The following ABCA3 variants were observed in gnomAD, a reference collection of about 807,000 sequenced individuals.
ABCA3 encodes the protein phospholipid-transporting ATPase ABCA3.
A neutral mutation model predicts 172.8 loss-of-function variants in ABCA3; 88 were observed. The ratio of observed to expected loss-of-function variants is 0.51; its 90% confidence interval spans 0.43 to 0.61. The LOEUF is 0.61. Ranked by LOEUF, ABCA3 falls within the 20% of genes least tolerant of loss-of-function variation. ABCA3 has a pLI of 0.00. For missense variants in ABCA3, 2,164 were observed against 2,301.0 expected (o/e 0.94, Z 1.22); for synonymous variants, 1,066 against 983.8 (o/e 1.08, Z -1.56).
In ABCA3 at chr16:2,297,502, G is replaced by A; in HGVS notation, c.2090C>T (p.Ala697Val). 1.2e-6 allele frequency: 2 copies of A among 1,613,330 alleles called. No homozygotes were observed. Among genetic ancestry groups the A allele is most frequent in the Middle Eastern group, 1.7e-4 (1 of 5,836 alleles). ...ILDEPTSGMD[A>V]ISRRAIWDLL... ...ATCCCAGATGGCCCTCCTGGAGATG[G>A]CGTCCATGCCCGAGGTGGGCTCGTC... Residue 697 changes from alanine (A) to valine (V), a missense_variant, in exon 17 of 33, where the codon GCC becomes GTC. This residue lies in a region of ABCA3 where 1,343 missense variants were observed against 1,369.6 expected (regional missense o/e 0.98). Transcript: ENST00000301732. This position sits in a 1 kb window ranked among gnomAD's most constrained non-coding sequence, Gnocchi z 5.6.
intron 12 of ABCA3, among the ~76,000 whole-genome samples, chr16:2,303,681 G>A (rs373934522): frequency 7.2e-5 from 11 of 152,200 alleles, no homozygotes; most frequent in East Asian, 1.9e-4. Flanking sequence ...CAGAGGCTGC[G>A]TGCGTGGGTC....
Position 2,323,896 on chromosome 16 carries a change from G to T in ABCA3, c.448-208C>A, listed in dbSNP as rs141235208. ...GGGAGCCACACAGGGGCCCCTTTTGGGGGGTGGTTCTTGGCCATTCCTAAT... is the reference window on the plus strand; with the variant it reads ...GGGAGCCACACAGGGGCCCCTTTTGTGGGGTGGTTCTTGGCCATTCCTAAT... On this transcript the variant is annotated intron_variant, in intron 6 of 32. Coordinates refer to ENST00000301732, the MANE Select transcript of ABCA3 (RefSeq NM_001089.3). Among the ~76,000 whole-genome samples, 602 of 152,256 alleles carry T rather than the reference G, an allele frequency of 4.0e-3. 8 individuals are homozygous for T. The highest frequency in any genetic ancestry group is 0.014 in the African/African-American group (568 of 41,540).
Position 2,284,599 on chromosome 16 carries a change from G to A in ABCA3, c.3704-162C>T, listed in dbSNP as rs577525334. On this transcript the variant is annotated intron_variant, in intron 24 of 32. Coordinates refer to ENST00000301732, the MANE Select transcript of ABCA3 (RefSeq NM_001089.3). This position sits in a 1 kb window ranked among gnomAD's most constrained non-coding sequence, Gnocchi z 5.9. ...CGGCTCTGCACAGGGCAAGGACGCC[G>A]CAGACGCCTGCCCACCAGTCATGGC... Among the ~76,000 whole-genome samples the A allele has an allele frequency of 1.3e-5, 2 of 152,310 alleles. No homozygotes were observed. Among genetic ancestry groups the A allele is most frequent in the Admixed American group, 6.5e-5 (1 of 15,308 alleles).
Position 2,289,589 on chromosome 16 carries a change from T to C in ABCA3, c.2545A>G (p.Ile849Val). ...AGGGCAGGGAGCTGGATGGCCTGGA[T>C]GTCCATACTGCTGTCCACCAGCTTC... ...VGKLVDSSMD[I>V]QAIQLPALQY... The change falls in exon 20 of 33, where the codon ATC becomes GTC. Residue 849 changes from isoleucine to valine, a missense_variant. Ile to Val is a conservative substitution (Grantham distance 29). Transcript: ENST00000301732. The C allele has an allele frequency of 6.4e-7, 1 of 1,555,078 alleles. No individual in the cohort carries two copies. Among genetic ancestry groups the C allele is most frequent in the Non-Finnish European group, 8.7e-7 (1 of 1,150,108 alleles).
In ABCA3 at chr16:2,296,026, G is replaced by A. The variant is rs375601802; in HGVS notation, c.2264-286C>T. Among the ~76,000 whole-genome samples, 16 of 152,324 alleles carry A rather than the reference G, an allele frequency of 1.1e-4. 1 individual carries two copies. The highest frequency in any genetic ancestry group is 5.9e-4 in the Admixed American group (9 of 15,300). On this transcript the variant is annotated intron_variant, in intron 17 of 32. Coordinates refer to ENST00000301732, the MANE Select transcript of ABCA3 (RefSeq NM_001089.3). ...CTCCCCCCAGCTATACAAGCACCAG[G>A]GAAGGATATCATCAGCAGCGACGGA...
intron 11 of ABCA3, among the ~76,000 whole-genome samples, chr16:2,306,489 C>T (rs1035233887): frequency 6.6e-4 from 100 of 152,330 alleles, no homozygotes; most frequent in Non-Finnish European, 1.3e-3. Context: ...ACACTCCCAC[C>T]TCCTTCCACA....
chr16:2,289,997 A>G (rs1029171646), intron 19 of ABCA3, among the ~76,000 whole-genome samples: 1 of 150,524 alleles, frequency 6.6e-6, no homozygotes, highest in Admixed American at 6.6e-5. Flanking sequence ...ACACACACAC[A>G]CACACCCCTT....
In ABCA3 at chr16:2,284,262, GGGGCT is replaced by G; in HGVS notation, c.3862+12_3862+16del. ...GGACGCAGGGGTGCTGCCCGGGGTCGGGGCTGGGACACTCACTATATTTCTTGCAG... is the reference window on the plus strand; with the variant it reads ...GGACGCAGGGGTGCTGCCCGGGGTCGGGGACACTCACTATATTTCTTGCAG... On this transcript the variant is annotated intron_variant, in intron 25 of 32. Coordinates refer to ENST00000301732, the MANE Select transcript of ABCA3 (RefSeq NM_001089.3). This position sits in a 1 kb window ranked among gnomAD's most constrained non-coding sequence, Gnocchi z 5.9. 1 of 1,609,326 alleles carries G rather than the reference GGGGCT, an allele frequency of 6.2e-7. No homozygotes were observed. Among genetic ancestry groups the G allele is most frequent in the African/African-American group, 1.3e-5 (1 of 74,984 alleles).
At position 2,278,106 on chromosome 16, in the gene ABCA3, T is replaced by C; in HGVS notation, c.4719-37A>G. The C allele has an allele frequency of 6.2e-7, 1 of 1,612,232 alleles. No individual in the cohort carries two copies. Among genetic ancestry groups the C allele is most frequent in the African/African-American group, 1.3e-5 (1 of 74,996 alleles). On this transcript the variant is annotated intron_variant, in intron 30 of 32. Transcript: ENST00000301732. The surrounding 1 kb of genome is among the most constrained non-coding windows in gnomAD (Gnocchi z 4.4). ...GCGGGACCTCAGATAGGGCTTGGGG[T>C]GCCAAAGGCTTGTGCAGACAGGAAG...
chr16:2,279,742 ATTT>A lies in ABCA3; in HGVS notation c.4360-615_4360-613del, dbSNP rs556253061. Among the ~76,000 whole-genome samples, 2 of 140,096 alleles carry A rather than the reference ATTT, an allele frequency of 1.4e-5. No homozygotes were observed. Among genetic ancestry groups the A allele is most frequent in the Non-Finnish European group, 1.6e-5 (1 of 64,046 alleles). The allele number at this position is 140,096 out of a possible 152,430, so 91.9% of individuals were successfully genotyped here. A position where few individuals can be genotyped will look rare whatever the true frequency, so the allele number is the denominator to read the frequency against. On this transcript the variant is annotated intron_variant, in intron 28 of 32. Transcript: ENST00000301732. This position sits in a 1 kb window ranked among gnomAD's most constrained non-coding sequence, Gnocchi z 4.4. ...TCTTTGGGGTTCTCAAGCTTCCAGAATTTTTTTTTTTTTTTTTGAGACAGAGTC... is the reference window on the plus strand; with the variant it reads ...TCTTTGGGGTTCTCAAGCTTCCAGAATTTTTTTTTTTTTTGAGACAGAGTC...
intron 19 of ABCA3, among the ~76,000 whole-genome samples, chr16:2,291,035 A>G (rs957885503): frequency 1.3e-5 from 2 of 151,852 alleles, no homozygotes; most frequent in African/African-American, 4.8e-5. Flanking sequence ...ATGCCCGGCT[A>G]ATTTTTGTAG....
At chr16:2,298,667 C>G in intron 14 of ABCA3, 127 bp from the exon 15 acceptor site, 1 of 1,137,758 alleles carries the variant, frequency 8.8e-7, no homozygotes, top group Non-Finnish European at 1.3e-6. Flanking sequence ...TGAGAGGGCA[C>G]GGAACCCCAC....
rs1300831358 is a variant in ABCA3, at chr16:2,278,494, C to G, written c.4548-36G>C. ...GAGGGTGCCAGGTGGGGGAATAAGG[C>G]TGAGAGTTAGCATTGGCTCCCATGT... On this transcript the variant is annotated intron_variant, in intron 29 of 32. Transcript: ENST00000301732. This position sits in a 1 kb window ranked among gnomAD's most constrained non-coding sequence, Gnocchi z 4.4. 1 of 1,605,504 alleles carries G rather than the reference C, an allele frequency of 6.2e-7. No homozygotes were observed. The highest frequency in any genetic ancestry group is 1.7e-5 in the Admixed American group (1 of 60,010).
At chr16:2,317,593 TGGGGTGC>T (rs1433921828) in intron 9 of ABCA3, 48 bp downstream of exon 9, 1 of 1,600,840 alleles carries the variant, frequency 6.2e-7, no homozygotes, top group African/African-American at 1.3e-5. Context: ...AGGGCCCTCC[TGGGGTGC>T]CCTGGCTCTC....
Position 2,284,741 on chromosome 16 carries a change from A to G in ABCA3, c.3703+38T>C. On this transcript the variant is annotated intron_variant, in intron 24 of 32. Transcript: ENST00000301732. This position sits in a 1 kb window ranked among gnomAD's most constrained non-coding sequence, Gnocchi z 5.9. ...CTGTCTGGGCGGAGTGGCTCCGTGG[A>G]TGGCCATGGGGGCTGCGGGTGGTCT... 3.1e-6 allele frequency: 5 copies of G among 1,593,004 alleles called. No homozygotes were observed. Among genetic ancestry groups the G allele is most frequent in the Non-Finnish European group, 4.3e-6 (5 of 1,168,634 alleles).
rs2093681785 is a variant in ABCA3 at position 2,297,518 on chromosome 16, T to C, written c.2074A>G (p.Thr692Ala). The change falls in exon 17 of 33, where the codon ACC becomes GCC. Residue 692 changes from threonine to alanine, a missense_variant. Thr to Ala is a moderately conservative substitution (Grantham distance 58, BLOSUM62 0). Transcript: ENST00000301732. The surrounding 1 kb of genome is among the most constrained non-coding windows in gnomAD (Gnocchi z 5.6). Reference sequence around the variant, plus strand: ...CTGGAGATGGCGTCCATGCCCGAGGTGGGCTCGTCCAGTATCAGCACCTGG... The same window carrying C: ...CTGGAGATGGCGTCCATGCCCGAGGCGGGCTCGTCCAGTATCAGCACCTGG... ...GSKVLILDEPTSGMDAISRRA... is the reference protein window; with the variant it reads ...GSKVLILDEPASGMDAISRRA... 2 of 1,612,536 alleles carry C rather than the reference T, an allele frequency of 1.2e-6. No individual in the cohort carries two copies. Among genetic ancestry groups the C allele is most frequent in the Non-Finnish European group, 8.5e-7 (1 of 1,179,934 alleles).
At position 2,283,441 on chromosome 16, in the gene ABCA3, C is replaced by T; in HGVS notation, c.3863-83G>A. On this transcript the variant is annotated intron_variant, in intron 25 of 32. Transcript: ENST00000301732. This position sits in a 1 kb window ranked among gnomAD's most constrained non-coding sequence, Gnocchi z 5.4. ...GGTTCCCGGCCCCCACTCCCCTCCC[C>T]AGGCTGCTCAAGGCGCCTGTAACAA... 1 of 1,511,208 alleles carries T rather than the reference C, an allele frequency of 6.6e-7. No individual in the cohort carries two copies. Among genetic ancestry groups the T allele is most frequent in the Non-Finnish European group, 9.0e-7 (1 of 1,108,872 alleles). 93.6% of individuals were successfully genotyped at this position (1,511,208 alleles called of 1,614,324 possible). A position where few individuals can be genotyped will look rare whatever the true frequency, so the allele number is the denominator to read the frequency against.
In ABCA3 at chr16:2,292,005, G is replaced by A. The variant is rs547641827; in HGVS notation, c.2513+135C>T. On this transcript the variant is annotated intron_variant, in intron 19 of 32. Coordinates refer to ENST00000301732, the MANE Select transcript of ABCA3 (RefSeq NM_001089.3). ...GGAGAATCTCTTGAACCCAGGAGGC[G>A]GAGGTTGCGGTGAGCCGAGATCGCA... The A allele has an allele frequency of 1.7e-4, 113 of 679,956 alleles. 3 individuals are homozygous for A. The highest frequency in any genetic ancestry group is 1.6e-3 in the South Asian group (107 of 66,704). 42.1% of individuals were successfully genotyped at this position (679,956 alleles called of 1,614,324 possible). A position where few individuals can be genotyped will look rare whatever the true frequency, so the allele number is the denominator to read the frequency against.
rs201400258 is a variant in ABCA3 at position 2,324,454 on chromosome 16, C to T, written c.397G>A (p.Val133Met). The T allele has an allele frequency of 1.2e-4, 199 of 1,608,946 alleles. No individual in the cohort carries two copies. The highest frequency in any genetic ancestry group is 1.7e-4 in the Middle Eastern group (1 of 6,056). Reference sequence around the variant, plus strand: ...TGGTTGAAGGGGTGCTCGAAGACCACGGCGGCCAGCACGCTGGACGAGCAG... The same window carrying T: ...TGGTTGAAGGGGTGCTCGAAGACCATGGCGGCCAGCACGCTGGACGAGCAG... ...DNCSSSVLAA[V>M]VFEHPFNHSK... The change falls in exon 6 of 33, where the codon GTG becomes ATG. Residue 133 changes from valine to methionine, a missense_variant. Physicochemically the swap from Val to Met is conservative, Grantham distance 21. Coordinates refer to ENST00000301732, the MANE Select transcript of ABCA3 (RefSeq NM_001089.3).
Sources: allele counts gnomAD v4.1 joint callset (sites outside exome capture counted in the v4.1 genomes callset), GRCh38; gene constraint gnomAD v4.1.1; regional missense constraint gnomAD v4.1.1; non-coding constraint Gnocchi (gnomAD v3.1); transcripts MANE v1.5; gene names NCBI Gene and HGNC (gene_info 2026-07-23, HGNC 2026-07-21).